Variants in ENOX2 observed in about 807,000 individuals in gnomAD.
The protein encoded by ENOX2 is ecto-NOX disulfide-thiol exchanger 2, also known as APK1 antigen.
Under a neutral mutation model 45.0 loss-of-function variants are expected in ENOX2, and 36 were observed. The ratio of observed to expected loss-of-function variants is 0.80; its 90% CI spans 0.61 to 1.06. The LOEUF (loss-of-function observed/expected upper bound fraction) is 1.06. Ranked by LOEUF, ENOX2 falls within the 50% of genes least tolerant of loss-of-function variation. The pLI, the probability that ENOX2 is intolerant of heterozygous loss-of-function variation, is 0.00. For synonymous variants in ENOX2, 174 were observed against 152.3 expected, an observed-to-expected ratio of 1.14 and a Z score of -1.05; for missense variants, 423 against 462.5, an observed-to-expected ratio of 0.91 and a Z score of 0.78.
At chrX:130,841,722 T>C (rs2078018015) in intron 2 of ENOX2, among the ~76,000 whole-genome samples, 1 of 112,265 alleles carries the variant, frequency 8.9e-6, no homozygotes, top group African/African-American at 3.2e-5. Flanking sequence ...TCTACATTTC[T>C]GTTGAAGGGC....
At chrX:130,768,906 G>T (rs965266891) in intron 3 of ENOX2, among the ~76,000 whole-genome samples, 1 of 111,292 alleles carries the variant, frequency 9.0e-6, no homozygotes, top group Non-Finnish European at 1.9e-5. Context: ...TAGTTTGGAT[G>T]GGAGTGACAG....
chrX:130,776,597 C>A (rs758012953), intron 3 of ENOX2, among the ~76,000 whole-genome samples: 47 of 111,600 alleles, frequency 4.2e-4, no homozygotes, highest in Non-Finnish European at 7.7e-4. Context: ...GATGCCAGTA[C>A]CATGCTTCCT....
intron 3 of ENOX2, among the ~76,000 whole-genome samples, chrX:130,733,314 C>T (rs780922031): frequency 5.5e-5 from 6 of 109,439 alleles, no homozygotes; most frequent in Admixed American, 9.8e-5. Context: ...CAAATCAAAA[C>T]CATAATGAGA....
intron 2 of ENOX2, among the ~76,000 whole-genome samples, chrX:130,786,560 C>A (rs1374430076): frequency 1.2e-5 from 1 of 80,245 alleles, no homozygotes; most frequent in African/African-American, 4.6e-5. Context: ...CCCCTCCCCC[C>A]ACCCCACCAC....
At chrX:130,691,195 T>C (rs922563333) in intron 4 of ENOX2, among the ~76,000 whole-genome samples, 2 of 111,211 alleles carry the variant, frequency 1.8e-5, no homozygotes, top group Non-Finnish European at 3.8e-5. Context: ...TTAATATCTG[T>C]ATGCCTCTAT....
chrX:130,815,917 T>C (rs1488101333), intron 2 of ENOX2, among the ~76,000 whole-genome samples: 2 of 111,381 alleles, frequency 1.8e-5, no homozygotes, highest in African/African-American at 6.5e-5. Context: ...TAAATATAAA[T>C]GGGCTAAATG....
At chrX:130,750,820 C>T (rs1053673892) in intron 3 of ENOX2, among the ~76,000 whole-genome samples, 1 of 111,415 alleles carries the variant, frequency 9.0e-6, no homozygotes, top group African/African-American at 3.3e-5. Flanking sequence ...GTGCTTCTTG[C>T]CACATTAGTC....
intron 3 of ENOX2, among the ~76,000 whole-genome samples, chrX:130,757,378 A>G (rs1476744230): frequency 1.8e-5 from 2 of 112,199 alleles, no homozygotes; most frequent in Non-Finnish European, 3.8e-5. Flanking sequence ...AATTTACACA[A>G]TGTAGCTCCA....
intron 6 of ENOX2, among the ~76,000 whole-genome samples, chrX:130,676,146 TG>T: frequency 9.0e-6 from 1 of 111,631 alleles, no homozygotes; most frequent in Middle Eastern, 4.6e-3. Flanking sequence ...CCCAGAACTG[TG>T]GAGAGGATCA....
At chrX:130,743,504 C>G (rs953973645) in intron 3 of ENOX2, among the ~76,000 whole-genome samples, 8 of 108,024 alleles carry the variant, frequency 7.4e-5, no homozygotes, top group African/African-American at 2.7e-4. Flanking sequence ...AAGAGTCTCA[C>G]TCTGTCACCC....
intron 11 of ENOX2, among the ~76,000 whole-genome samples, chrX:130,636,757 T>C (rs918671339): frequency 3.5e-5 from 4 of 112,710 alleles, no homozygotes; most frequent in Admixed American, 1.9e-4. Context: ...GCTCAAAGCA[T>C]TGACACTTAA....
intron 10 of ENOX2, among the ~76,000 whole-genome samples, chrX:130,656,280 A>C (rs1170794573): frequency 8.9e-6 from 1 of 112,754 alleles, no homozygotes; most frequent in African/African-American, 3.2e-5. Context: ...CCTCTGTCTC[A>C]GAGTGAGGTT....
intron 3 of ENOX2, among the ~76,000 whole-genome samples, chrX:130,747,213 CAT>C (rs2039116755): frequency 9.0e-6 from 1 of 110,601 alleles, no homozygotes; most frequent in Non-Finnish European, 1.9e-5. Context: ...TTAAACGTCA[CAT>C]GAGATCTTAC....
chrX:130,824,942 T>G (rs58806349), intron 2 of ENOX2, among the ~76,000 whole-genome samples: 11,967 of 110,886 alleles, frequency 0.11, 640 homozygotes, highest in East Asian at 0.26. Flanking sequence ...ACAACAACTT[T>G]GGAGAACAAT....
chrX:130,725,699 T>G (rs1348106629), intron 3 of ENOX2, among the ~76,000 whole-genome samples: 1 of 110,779 alleles, frequency 9.0e-6, no homozygotes, highest in African/African-American at 3.3e-5. Flanking sequence ...CATCTAGTGT[T>G]AAGTTTTGTT....
intron 2 of ENOX2, among the ~76,000 whole-genome samples, chrX:130,788,582 A>G (rs1208266586): frequency 9.0e-6 from 1 of 111,666 alleles, no homozygotes; most frequent in Non-Finnish European, 1.9e-5. Context: ...CTTACCTAAA[A>G]TGAAGACATA....
intron 3 of ENOX2, among the ~76,000 whole-genome samples, chrX:130,763,771 G>C (rs2039549148): frequency 6.3e-5 from 7 of 111,084 alleles, no homozygotes; most frequent in Admixed American, 5.7e-4. Flanking sequence ...TCTTGGTGGA[G>C]ACCCCTGGCA....
intron 3 of ENOX2, among the ~76,000 whole-genome samples, chrX:130,710,453 C>T (rs1252098859): frequency 8.9e-6 from 1 of 111,959 alleles, no homozygotes; most frequent in African/African-American, 3.2e-5. Flanking sequence ...TATCTGGAGA[C>T]ATTTTTGATT....
chrX:130,824,135 T>C (rs1277162786), intron 2 of ENOX2, among the ~76,000 whole-genome samples: 2 of 112,152 alleles, frequency 1.8e-5, no homozygotes, highest in East Asian at 5.6e-4. Flanking sequence ...GACAGATTTC[T>C]TAGGAAATGG....
Sources: gnomAD v4.1 joint callset for allele counts (sites outside exome capture counted in the v4.1 genomes callset) on GRCh38, gnomAD v4.1.1 for gene constraint, MANE v1.5 for transcripts, NCBI Gene and HGNC (gene_info 2026-07-23, HGNC 2026-07-21) for gene names.